The following TTLL4 variants were observed in gnomAD, a reference collection of about 807,000 sequenced individuals.
TTLL4 encodes tubulin monoglutamylase TTLL4.
TTLL4 carries 85 observed loss-of-function variants against 122.7 expected under a neutral mutation model. The observed-to-expected ratio is 0.69, with a 90% CI of 0.58 to 0.83. TTLL4 has a LOEUF of 0.83. Among genes scored for constraint, TTLL4 ranks in the 40% least tolerant of loss-of-function variants. TTLL4 has a pLI of 0.00. For missense variants in TTLL4, 1,363 were observed against 1,488.6 expected, an observed-to-expected ratio of 0.92 and a Z score of 1.39; for synonymous variants, 553 against 563.0, an observed-to-expected ratio of 0.98 and a Z score of 0.25.
rs115308209 is a variant in TTLL4 at position 218,734,761 on chromosome 2, A to G, written c.-98-2818A>G. ...GGTGGGGAAAATGTGGCTTCCCGAAAGAGGATTAAGTGACGGGATTATGAA... is the reference window on the plus strand; with the variant it reads ...GGTGGGGAAAATGTGGCTTCCCGAAGGAGGATTAAGTGACGGGATTATGAA... On this transcript the variant is annotated intron_variant, in intron 2 of 19. Coordinates refer to ENST00000392102, the MANE Select transcript of TTLL4 (RefSeq NM_014640.5). Among the ~76,000 whole-genome samples, 564 of 152,322 alleles carry G rather than the reference A, an allele frequency of 3.7e-3. 2 individuals carry two copies. Among genetic ancestry groups the G allele is most frequent in the African/African-American group, 0.013 (528 of 41,562 alleles).
chr2:218,749,634 A>C (rs1942963067), intron 14 of TTLL4, among the ~76,000 whole-genome samples: 2 of 151,998 alleles, frequency 1.3e-5, no homozygotes, highest in South Asian at 4.2e-4. Flanking sequence ...CACCCAGCTA[A>C]TTTTTTGTAT....
At chr2:218,743,913 G>T (rs563469978) in intron 5 of TTLL4, among the ~76,000 whole-genome samples, 2 of 152,074 alleles carry the variant, frequency 1.3e-5, no homozygotes, top group African/African-American at 4.8e-5. Flanking sequence ...TCCCAACCTC[G>T]GGTGATCCGC....
chr2:218,731,497 T>C (rs1294843299), intron 2 of TTLL4, among the ~76,000 whole-genome samples: 2 of 152,272 alleles, frequency 1.3e-5, no homozygotes, highest in East Asian at 3.9e-4. Flanking sequence ...CGCTGAAGTT[T>C]TGTAGTGGAA....
intron 1 of TTLL4, among the ~76,000 whole-genome samples, chr2:218,712,415 C>A (rs1941736571): frequency 1.3e-5 from 2 of 148,992 alleles, no homozygotes; most frequent in Admixed American, 1.3e-4. Context: ...GAGACAGAGT[C>A]TTGCTCCGTC....
At chr2:218,751,043 C>T (rs898952441) in intron 15 of TTLL4, among the ~76,000 whole-genome samples, 2 of 152,138 alleles carry the variant, frequency 1.3e-5, no homozygotes, top group East Asian at 3.8e-4. Flanking sequence ...AACTGAAGCT[C>T]TTTGGGATTA....
rs775180659 is a variant in TTLL4, at chr2:218,750,104, A to G, written c.2831A>G (p.Asp944Gly). The G allele has an allele frequency of 1.2e-6, 2 of 1,614,016 alleles. No individual in the cohort carries two copies. Among genetic ancestry groups the G allele is most frequent in the South Asian group, 1.1e-5 (1 of 91,080 alleles). Residue 944 changes from aspartate (D) to glycine (G), a missense_variant, in exon 15 of 20, where the codon GAT becomes GGT. Around this residue, in one of 3 missense-constraint regions of TTLL4, gnomAD observed 596 missense variants for 655.8 expected, o/e 0.91. Coordinates refer to ENST00000392102, the MANE Select transcript of TTLL4 (RefSeq NM_014640.5). ...LAGFVLPNAE[D>G]IISSPSSCSS... ...GGTTTTGTCCTGCCCAATGCAGAGGATATCATTTCCAGCCCCAGCAGCTGC... is the reference window on the plus strand; with the variant it reads ...GGTTTTGTCCTGCCCAATGCAGAGGGTATCATTTCCAGCCCCAGCAGCTGC...
chr2:218,745,662 C>T (rs1433032469), intron 6 of TTLL4, 29 bp from the exon 7 acceptor site: 2 of 1,453,098 alleles, frequency 1.4e-6, no homozygotes, highest in South Asian at 1.2e-5. Context: ...CTCCATCCCC[C>T]ATCCCCACAC....
At chr2:218,713,513 C>T (rs974247286) in intron 1 of TTLL4, among the ~76,000 whole-genome samples, 2 of 152,150 alleles carry the variant, frequency 1.3e-5, no homozygotes, top group African/African-American at 4.8e-5. Flanking sequence ...TTCCTGGGCC[C>T]AAGTGATCCT....
chr2:218,721,235 CAATTAAT>C (rs1942030995), intron 1 of TTLL4, among the ~76,000 whole-genome samples: 1 of 151,272 alleles, frequency 6.6e-6, no homozygotes, highest in African/African-American at 2.4e-5. Flanking sequence ...AATTTACCCC[CAATTAAT>C]TAATTAATTA....
Position 218,747,108 on chromosome 2 carries a change from C to T in TTLL4, c.2080C>T (p.Pro694Ser), listed in dbSNP as rs774619117. The T allele has an allele frequency of 1.9e-6, 3 of 1,614,210 alleles. No homozygotes were observed. The highest frequency in any genetic ancestry group is 2.5e-6 in the Non-Finnish European group (3 of 1,180,044). The change falls in exon 9 of 20, where the codon CCC becomes TCC. Residue 694 changes from proline (P) to serine (S), a missense_variant. Pro to Ser is a moderately conservative substitution (Grantham distance 74). Coordinates refer to ENST00000392102, the MANE Select transcript of TTLL4 (RefSeq NM_014640.5). The surrounding 1 kb of genome is among the most constrained non-coding windows in gnomAD (Gnocchi z 4.7). ...TGGCAAGAAGGAGTTCAGTTTCTTC[C>T]CCCAGTCCTTTATCCTGCCCCAGGA... ...RFGKKEFSFF[P>S]QSFILPQDAK...
At position 218,725,461 on chromosome 2, in the gene TTLL4, G is replaced by C. The variant is rs377493875; in HGVS notation, c.-177-1808G>C. 2.2e-4 allele frequency among the ~76,000 whole-genome samples: 34 copies of C among 151,956 alleles called. No individual in the cohort carries two copies. In the East Asian group the frequency reaches 5.8e-3, roughly 26 times the overall value. Reference sequence around the variant, plus strand: ...GGTTGGTCTTGAACTCCAAAAAATAGAAGTGAACAAATAAAGAACCATAAA... The same window carrying C: ...GGTTGGTCTTGAACTCCAAAAAATACAAGTGAACAAATAAAGAACCATAAA... On this transcript the variant is annotated intron_variant, in intron 1 of 19. Coordinates refer to ENST00000392102, the MANE Select transcript of TTLL4 (RefSeq NM_014640.5).
rs770326934 is a variant in TTLL4, at chr2:218,745,763, A to G, written c.1859A>G (p.Lys620Arg). The change falls in exon 7 of 20, where the codon AAG (lysine) becomes AGG (arginine). Residue 620 changes from lysine to arginine, a missense_variant. By Grantham distance (26) the Lys-to-Arg change is conservative (BLOSUM62 2). This residue lies in a region of TTLL4 where 760 missense variants were observed against 808.4 expected (regional missense o/e 0.94). Transcript: ENST00000392102. Reference sequence around the variant, plus strand: ...AGCACAGTGACCCCCAACATTGTCAAGCAGACCATTGGACGGTCCCACTTC... The same window carrying G: ...AGCACAGTGACCCCCAACATTGTCAGGCAGACCATTGGACGGTCCCACTTC... ...KMSTVTPNIV[K>R]QTIGRSHFKI... is the part of the protein sequence containing the mutation. 6 of 1,613,638 alleles carry G rather than the reference A, an allele frequency of 3.7e-6. No homozygotes were observed. In the Admixed American group the frequency reaches 5.0e-5, roughly 13 times the overall value.
Position 218,746,251 on chromosome 2 carries a change from AG to A in TTLL4, c.1974+21del, listed in dbSNP as rs1942839812. The A allele has an allele frequency of 6.2e-7, 1 of 1,611,158 alleles. No individual in the cohort carries two copies. Among genetic ancestry groups the A allele is most frequent in the African/African-American group, 1.4e-5 (1 of 73,818 alleles). On this transcript the variant is annotated intron_variant, in intron 8 of 19. Transcript: ENST00000392102. ...CAGAAGGTAGGGGTCCTTTCTGAGG[AG>A]CTGTTTCCCTGGACTTTGGACTAGG...
Position 218,747,405 on chromosome 2 carries a change from C to T in TTLL4, c.2249+33C>T. On this transcript the variant is annotated intron_variant, in intron 10 of 19. Coordinates refer to ENST00000392102, the MANE Select transcript of TTLL4 (RefSeq NM_014640.5). The surrounding 1 kb of genome is among the most constrained non-coding windows in gnomAD (Gnocchi z 4.7). ...TGTAGCACATATCCCTTACCCCATCCTCCCACCTCCTTGGCCTCGAGGTTC... is the reference window on the plus strand; with the variant it reads ...TGTAGCACATATCCCTTACCCCATCTTCCCACCTCCTTGGCCTCGAGGTTC... 1 of 1,607,302 alleles carries T rather than the reference C, an allele frequency of 6.2e-7. No homozygotes were observed. Among genetic ancestry groups the T allele is most frequent in the Non-Finnish European group, 8.5e-7 (1 of 1,176,138 alleles).
intron 1 of TTLL4, among the ~76,000 whole-genome samples, chr2:218,721,019 G>A (rs1942020483): frequency 6.6e-6 from 1 of 152,206 alleles, no homozygotes; most frequent in African/African-American, 2.4e-5. Context: ...TTGAGCACAT[G>A]AATGTACCTG....
downstream of TTLL4, among the ~76,000 whole-genome samples, chr2:218,755,855 T>A (rs1265233189): frequency 6.6e-6 from 1 of 152,110 alleles, no homozygotes; most frequent in Non-Finnish European, 1.5e-5. Flanking sequence ...CCTGGAAAGA[T>A]CACTGAGAGG....
At chr2:218,734,725 T>C (rs545620097) in intron 2 of TTLL4, among the ~76,000 whole-genome samples, 11 of 152,306 alleles carry the variant, frequency 7.2e-5, no homozygotes, top group African/African-American at 2.4e-4. Context: ...GTATGTCTGT[T>C]GTGTTGCATT....
intron 2 of TTLL4, among the ~76,000 whole-genome samples, chr2:218,735,554 A>G (rs922831959): frequency 6.6e-6 from 1 of 152,120 alleles, no homozygotes; most frequent in Non-Finnish European, 1.5e-5. Flanking sequence ...AGTTTGGGTG[A>G]CAGAGCAAGA....
At chr2:218,749,178 T>C (rs1942946657) in intron 13 of TTLL4, 75 bp from the exon 14 acceptor site, 1 of 1,574,498 alleles carries the variant, frequency 6.4e-7, no homozygotes, top group African/African-American at 1.4e-5. Flanking sequence ...TCTGGGCCAC[T>C]CTTTTGGCAG....
Sources: gnomAD v4.1 joint callset for allele counts (sites outside exome capture counted in the v4.1 genomes callset) on GRCh38, gnomAD v4.1.1 for gene constraint, gnomAD v4.1.1 regional missense constraint, Gnocchi (gnomAD v3.1) non-coding constraint, MANE v1.5 for transcripts, NCBI Gene and HGNC (gene_info 2026-07-23, HGNC 2026-07-21) for gene names.